The following DMD variants were observed in gnomAD, a reference collection of about 807,000 sequenced individuals.
The protein encoded by DMD is mutant dystrophin.
DMD carries 63 observed loss-of-function variants against 330.1 expected under a neutral mutation model. The ratio of observed to expected loss-of-function variants is 0.19; its 90% confidence interval spans 0.16 to 0.24. DMD has a LOEUF of 0.24. Ranked by LOEUF, DMD falls within the 10% of genes least tolerant of loss-of-function variation. The probability of loss-of-function intolerance (pLI) is 1.00; values close to 1 mark genes in which losing one functional copy is unlikely to be tolerated. For synonymous variants in DMD, 1,223 were observed against 959.8 expected, an observed-to-expected ratio of 1.27 and a Z score of -5.07; for missense variants, 3,344 against 2,684.1, an observed-to-expected ratio of 1.25 and a Z score of -5.43.
rs1022132817 is a variant in DMD, at chrX:31,483,325, C to A, written c.8548-4222G>T. 9.0e-5 allele frequency among the ~76,000 whole-genome samples: 10 copies of A among 111,564 alleles called. No individual in the cohort carries two copies. In the East Asian group the frequency reaches 2.3e-3, roughly 25 times the overall value. On this transcript the variant is annotated intron_variant, in intron 57 of 78. Transcript: ENST00000357033. ...CCTCCCAAAGTGCTGGGATTACAGG[C>A]GTGAGCCACCACGCCCGGCCGGAAA...
intron 2 of DMD, among the ~76,000 whole-genome samples, chrX:32,874,272 C>CTTGTCG (rs2083217805): frequency 8.9e-6 from 1 of 111,765 alleles, no homozygotes; most frequent in Non-Finnish European, 1.9e-5. Context: ...TTACAGAGAG[C>CTTGTCG]CAAAGTAAGA....
intron 47 of DMD, among the ~76,000 whole-genome samples, chrX:31,879,108 C>A (rs1433079576): frequency 9.2e-6 from 1 of 109,136 alleles, no homozygotes; most frequent in Non-Finnish European, 1.9e-5. Context: ...AATGTAAATG[C>A]ATTACTGTAT....
chrX:32,105,191 A>G (rs941837821), intron 44 of DMD, among the ~76,000 whole-genome samples: 1 of 111,728 alleles, frequency 9.0e-6, no homozygotes, highest in Non-Finnish European at 1.9e-5. Flanking sequence ...TTCAATTCAG[A>G]GAGACCATAT....
intron 1 of DMD, among the ~76,000 whole-genome samples, chrX:33,123,990 C>A (rs897683559): frequency 3.8e-5 from 4 of 106,336 alleles, no homozygotes; most frequent in Non-Finnish European, 7.7e-5. Context: ...CATGGTGAAA[C>A]CCTGTCTCTA....
chrX:32,547,507 G>A (rs765606387), intron 16 of DMD, among the ~76,000 whole-genome samples: 10 of 110,423 alleles, frequency 9.1e-5, no homozygotes, highest in African/African-American at 1.3e-4. Context: ...CATTTCCTTC[G>A]GGATGGAGAA....
intron 7 of DMD, among the ~76,000 whole-genome samples, chrX:32,772,825 C>A (rs964700690): frequency 9.0e-6 from 1 of 111,622 alleles, no homozygotes; most frequent in East Asian, 2.8e-4. Flanking sequence ...CATAATTACC[C>A]GTGATGGCTA....
chrX:33,307,676 G>A (rs2053784791), intron 1 of DMD, among the ~76,000 whole-genome samples: 1 of 111,460 alleles, frequency 9.0e-6, no homozygotes, highest in Non-Finnish European at 1.9e-5. Context: ...GTGACAGAGC[G>A]AGACTCCATC....
At chrX:32,895,365 G>A (rs749307042) in intron 2 of DMD, among the ~76,000 whole-genome samples, 8 of 112,452 alleles carry the variant, frequency 7.1e-5, no homozygotes, top group Non-Finnish European at 1.3e-4. Flanking sequence ...GAACTGAACT[G>A]AGCAAATACT....
intron 1 of DMD, among the ~76,000 whole-genome samples, chrX:33,308,924 A>G (rs1042291632): frequency 5.4e-5 from 6 of 111,587 alleles, no homozygotes; most frequent in Admixed American, 9.6e-5. Context: ...TTTGATATAA[A>G]CAAACATGCG....
Position 31,427,118 on chromosome X carries a change from CAT to C in DMD, c.9084+17361_9084+17362del, listed in dbSNP as rs199801140. Among the ~76,000 whole-genome samples the C allele has an allele frequency of 4.0e-3, 452 of 111,759 alleles. 1 individual carries two copies. The highest frequency in any genetic ancestry group is 0.014 in the African/African-American group (424 of 30,828). On this transcript the variant is annotated intron_variant, in intron 60 of 78. Coordinates refer to ENST00000357033, the MANE Select transcript of DMD (RefSeq NM_004006.3). ...AATTATATTTCATCTCCCCTAATTA[CAT>C]GTTTTTCATTTGCTTAGATATTACT... is the stretch of plus-strand genomic sequence containing the variant.
At chrX:32,581,015 G>A (rs1601862589) in intron 13 of DMD, among the ~76,000 whole-genome samples, 2 of 110,733 alleles carry the variant, frequency 1.8e-5, no homozygotes, top group East Asian at 5.8e-4. Context: ...TAGTAGAGAT[G>A]GGGTTTCACC....
intron 2 of DMD, among the ~76,000 whole-genome samples, chrX:32,892,462 C>G (rs1011543354): frequency 8.9e-6 from 1 of 111,961 alleles, no homozygotes; most frequent in Admixed American, 9.5e-5. Context: ...GGTGCGATCT[C>G]GGCTCACTGC....
intron 50 of DMD, among the ~76,000 whole-genome samples, chrX:31,787,290 G>C (rs900407416): frequency 1.8e-5 from 2 of 111,660 alleles, no homozygotes; most frequent in African/African-American, 6.5e-5. Context: ...AGAATCACTT[G>C]AAACTAAGAG....
chrX:31,668,421 A>G (rs2081553793), intron 53 of DMD, among the ~76,000 whole-genome samples: 1 of 110,640 alleles, frequency 9.0e-6, no homozygotes, highest in Non-Finnish European at 1.9e-5. Context: ...TTCATTAAAA[A>G]TATATTATTA....
At position 31,684,701 on chromosome X, in the gene DMD, T is replaced by C. The variant is rs563973432; in HGVS notation, c.7661-5115A>G. On this transcript the variant is annotated intron_variant, in intron 52 of 78. Coordinates refer to ENST00000357033, the MANE Select transcript of DMD (RefSeq NM_004006.3). Reference sequence around the variant, plus strand: ...TTCTGCAGTATCCTGATATCCATCTTAGAACAATTAAGAGGAATTAAACGG... The same window carrying C: ...TTCTGCAGTATCCTGATATCCATCTCAGAACAATTAAGAGGAATTAAACGG... Among the ~76,000 whole-genome samples the C allele has an allele frequency of 5.6e-3, 625 of 112,292 alleles. 4 individuals are homozygous for C. The highest frequency in any genetic ancestry group is 0.022 in the South Asian group (59 of 2,697).
At chrX:32,413,695 A>T (rs183913215) in intron 29 of DMD, among the ~76,000 whole-genome samples, 2 of 108,405 alleles carry the variant, frequency 1.8e-5, no homozygotes, top group Non-Finnish European at 3.8e-5. Flanking sequence ...CTGTCCTTCA[A>T]ATAAAAGCTC....
At chrX:32,082,248 A>G (rs1480715218) in intron 44 of DMD, among the ~76,000 whole-genome samples, 3 of 111,263 alleles carry the variant, frequency 2.7e-5, no homozygotes, top group Admixed American at 1.9e-4. Flanking sequence ...TTTTCGAGAC[A>G]GGATCTCACT....
chrX:31,175,424 T>G (rs913557395), intron 71 of DMD, among the ~76,000 whole-genome samples: 2 of 111,217 alleles, frequency 1.8e-5, no homozygotes, highest in Non-Finnish European at 3.8e-5. Context: ...ATGTTATTTT[T>G]CTTATTAATA....
chrX:31,419,377 A>G (rs2063242072), intron 60 of DMD, among the ~76,000 whole-genome samples: 1 of 109,611 alleles, frequency 9.1e-6, no homozygotes, highest in Admixed American at 1.0e-4. Flanking sequence ...CATTCATCAT[A>G]GTTACTTAGA....
Sources: gnomAD v4.1 joint callset for allele counts (sites outside exome capture counted in the v4.1 genomes callset) on GRCh38, gnomAD v4.1.1 for gene constraint, MANE v1.5 for transcripts, NCBI Gene and HGNC (gene_info 2026-07-23, HGNC 2026-07-21) for gene names.